Variants in ATL1 observed in about 807,000 individuals in gnomAD.
ATL1 encodes the protein atlastin-1.
A neutral mutation model predicts 75.5 loss-of-function variants in ATL1; 31 were observed. The observed-to-expected ratio is 0.41, with a 90% CI of 0.31 to 0.55. The LOEUF is 0.55. ATL1 is among the 20% of genes least tolerant of loss of function. The pLI, the probability that ATL1 is intolerant of heterozygous loss-of-function variation, is 0.27. For missense variants in ATL1, 405 were observed against 662.6 expected, an observed-to-expected ratio of 0.61 and a Z score of 4.27; for synonymous variants, 226 against 233.3, an observed-to-expected ratio of 0.97 and a Z score of 0.28.
intron 1 of ATL1, among the ~76,000 whole-genome samples, chr14:50,536,064 G>A (rs992347891): frequency 6.6e-6 from 1 of 152,224 alleles, no homozygotes; most frequent in Admixed American, 6.5e-5. Context: ...GCAGCCACAT[G>A]GAACTGTAAG....
upstream of ATL1, among the ~76,000 whole-genome samples, chr14:50,556,844 A>G (rs1041634862): frequency 7.9e-5 from 12 of 152,202 alleles, no homozygotes; most frequent in Admixed American, 2.6e-4. Context: ...TTTATGATCA[A>G]ATAATGTTCT....
intron 1 of ATL1, among the ~76,000 whole-genome samples, chr14:50,583,941 C>T (rs2039078696): frequency 2.0e-5 from 3 of 151,904 alleles, no homozygotes; most frequent in South Asian, 2.1e-4. Flanking sequence ...CATGGCAGAC[C>T]ACTTGAGGAA....
chr14:50,576,492 A>G (rs2039007442), intron 1 of ATL1, among the ~76,000 whole-genome samples: 2 of 152,136 alleles, frequency 1.3e-5, no homozygotes, highest in South Asian at 4.1e-4. Flanking sequence ...GGGAATTGAA[A>G]CTGAGTTTAA....
chr14:50,590,680 C>T (rs753442423), intron 2 of ATL1, among the ~76,000 whole-genome samples: 18 of 152,100 alleles, frequency 1.2e-4, no homozygotes, highest in African/African-American at 4.1e-4. Context: ...ATGTCTGTCT[C>T]GCTGTTAGGC....
rs1469946449 is a variant in ATL1 at position 50,620,777 on chromosome 14, GATCGTAATTCCTATAA to G, written c.990+53_990+68del. 4 of 1,603,594 alleles carry G rather than the reference GATCGTAATTCCTATAA, an allele frequency of 2.5e-6. No homozygotes were observed. In the East Asian group the frequency reaches 9.0e-5, roughly 36 times the overall value. ...CGTGGGATAGATTTGACATATATTG[GATCGTAATTCCTATAA>G]ACAAAAATTATAGACCCGATAATAT... On this transcript the variant is annotated intron_variant, in intron 9 of 13. Coordinates refer to ENST00000358385, the MANE Select transcript of ATL1 (RefSeq NM_015915.5).
At chr14:50,620,870 A>G in intron 9 of ATL1, 144 bp downstream of exon 9, 2 of 1,052,936 alleles carry the variant, frequency 1.9e-6, no homozygotes, top group Non-Finnish European at 2.7e-6. Flanking sequence ...ATCCTTTCTA[A>G]AAAGCTTTTT....
intron 1 of ATL1, among the ~76,000 whole-genome samples, chr14:50,572,864 G>A (rs1481801111): frequency 6.6e-6 from 1 of 152,136 alleles, no homozygotes; most frequent in African/African-American, 2.4e-5. Context: ...CCCTAGACTA[G>A]GTAATTTATA....
At chr14:50,570,739 C>T (rs1019520423) in intron 1 of ATL1, among the ~76,000 whole-genome samples, 11 of 151,978 alleles carry the variant, frequency 7.2e-5, no homozygotes, top group African/African-American at 2.7e-4. Context: ...TATTTTTTTC[C>T]CTTAAATGGC....
At chr14:50,605,394 T>A (rs143843231) in intron 6 of ATL1, among the ~76,000 whole-genome samples, 2,246 of 152,084 alleles carry the variant, frequency 0.015, 37 homozygotes, top group Non-Finnish European at 0.02. Flanking sequence ...CTATGAAAAG[T>A]CAGTGATATA....
chr14:50,564,839 G>C lies in ATL1; in HGVS notation c.34+4540G>C, dbSNP rs375706065. Among the ~76,000 whole-genome samples the C allele has an allele frequency of 1.8e-4, 28 of 152,062 alleles. No homozygotes were observed. In the East Asian group the frequency reaches 2.7e-3, roughly 15 times the overall value. On this transcript the variant is annotated intron_variant, in intron 1 of 13. Transcript: ENST00000358385. ...TTTTAGGTTTCTGGTTTTGAGGAAA[G>C]ATTTAAAACAATCTTGAGTGTACTA...
At chr14:50,617,883 G>A (rs2039429880) in intron 8 of ATL1, among the ~76,000 whole-genome samples, 1 of 152,188 alleles carries the variant, frequency 6.6e-6, no homozygotes, top group Non-Finnish European at 1.5e-5. Flanking sequence ...ACCTACGTAT[G>A]TTATGAATAT....
intron 1 of ATL1, among the ~76,000 whole-genome samples, chr14:50,578,194 G>A (rs1015427653): frequency 2.6e-5 from 4 of 152,124 alleles, no homozygotes; most frequent in Non-Finnish European, 5.9e-5. Context: ...TTTGTATAAA[G>A]CATCTCAGTA....
chr14:50,601,003 G>C (rs553505303), intron 6 of ATL1, among the ~76,000 whole-genome samples: 2 of 152,114 alleles, frequency 1.3e-5, no homozygotes, highest in Non-Finnish European at 2.9e-5. Flanking sequence ...TATTTGGAGC[G>C]GGGCTGAAGT....
In ATL1 at chr14:50,613,228, C is replaced by A. The variant is rs778050737; in HGVS notation, c.631-31C>A. ...AAGCAAAGGGAGGCACCTTAAAGTCCTCATATCAATCCTTTCTTATTATTT... is the reference window on the plus strand; with the variant it reads ...AAGCAAAGGGAGGCACCTTAAAGTCATCATATCAATCCTTTCTTATTATTT... On this transcript the variant is annotated intron_variant, in intron 6 of 13. Coordinates refer to ENST00000358385, the MANE Select transcript of ATL1 (RefSeq NM_015915.5). The A allele has an allele frequency of 2.6e-6, 4 of 1,540,760 alleles. No homozygotes were observed. The Admixed American group carries it at 5.0e-5, about 19-fold the overall frequency.
At chr14:50,592,854 A>G (rs2039173274) in intron 4 of ATL1, among the ~76,000 whole-genome samples, 1 of 148,420 alleles carries the variant, frequency 6.7e-6, no homozygotes, top group East Asian at 2.0e-4. Flanking sequence ...GAGCACTTGC[A>G]GTGAGCCGAG....
At chr14:50,580,908 T>G (rs1381344126) in intron 1 of ATL1, among the ~76,000 whole-genome samples, 1 of 152,064 alleles carries the variant, frequency 6.6e-6, no homozygotes, top group Non-Finnish European at 1.5e-5. Context: ...GTTATTTGTC[T>G]TATGTGGTTT....
intron 1 of ATL1, among the ~76,000 whole-genome samples, chr14:50,542,241 T>G (rs1338573118): frequency 8.7e-6 from 1 of 114,554 alleles, no homozygotes; most frequent in Non-Finnish European, 1.6e-5. Flanking sequence ...TGAGAACACG[T>G]GGACACAGGG....
intron 2 of ATL1, 89 bp downstream of exon 2, chr14:50,588,167 C>T: frequency 6.7e-7 from 1 of 1,501,680 alleles, no homozygotes; most frequent in African/African-American, 1.4e-5. Flanking sequence ...ATTTTCATTT[C>T]TATTATTATG....
chr14:50,627,684 G>A (rs1207090293), intron 11 of ATL1, among the ~76,000 whole-genome samples: 1 of 152,112 alleles, frequency 6.6e-6, no homozygotes, highest in Non-Finnish European at 1.5e-5. Flanking sequence ...TTGGATATAC[G>A]TAGTTTTCTT....
Sources: gnomAD v4.1 joint callset for allele counts (sites outside exome capture counted in the v4.1 genomes callset) on GRCh38, gnomAD v4.1.1 for gene constraint, MANE v1.5 for transcripts, NCBI Gene and HGNC (gene_info 2026-07-23, HGNC 2026-07-21) for gene names.